The following NTM variants were observed in gnomAD, a reference collection of about 807,000 sequenced individuals.
NTM encodes the protein IgLON family member 2.
Under a neutral mutation model 42.1 loss-of-function variants are expected in NTM, and 13 were observed. The ratio of observed to expected loss-of-function variants is 0.31; its 90% CI spans 0.20 to 0.49. The LOEUF is 0.49. NTM is among the 20% of genes least tolerant of loss of function. The probability of loss-of-function intolerance (pLI) is 0.99; values close to 1 mark genes in which losing one functional copy is unlikely to be tolerated. For synonymous variants in NTM, 187 were observed against 179.2 expected (o/e 1.04, Z -0.35); for missense variants, 373 against 452.8 (o/e 0.82, Z 1.60).
chr11:132,135,137 A>C (rs2067647876), intron 2 of NTM, among the ~76,000 whole-genome samples: 1 of 152,122 alleles, frequency 6.6e-6, no homozygotes. Flanking sequence ...CCCAGGAGAC[A>C]GAAATGTTCT....
chr11:131,681,367 G>A (rs1332096604), intron 1 of NTM, among the ~76,000 whole-genome samples: 1 of 53,126 alleles, frequency 1.9e-5, no homozygotes, highest in Non-Finnish European at 4.9e-5. Context: ...CTCCCTGTGT[G>A]TGTGAGCATG....
chr11:131,518,081 G>A (rs1321685478), intron 1 of NTM, among the ~76,000 whole-genome samples: 2 of 152,170 alleles, frequency 1.3e-5, no homozygotes, highest in Non-Finnish European at 2.9e-5. Context: ...AGAGTGTTGA[G>A]AGGTGGGCAA....
At chr11:132,326,340 G>A (rs990895954) in intron 7 of NTM, among the ~76,000 whole-genome samples, 2 of 151,958 alleles carry the variant, frequency 1.3e-5, no homozygotes, top group Admixed American at 6.6e-5. Flanking sequence ...CTCAGGTAGG[G>A]GTTTTTAACA....
At chr11:132,215,864 C>A (rs756551406) in intron 4 of NTM, among the ~76,000 whole-genome samples, 2 of 152,196 alleles carry the variant, frequency 1.3e-5, no homozygotes. Flanking sequence ...GCCCCCATCT[C>A]ACTCCTCTCA....
intron 2 of NTM, among the ~76,000 whole-genome samples, chr11:131,916,799 C>T (rs1421448895): frequency 2.0e-5 from 3 of 152,200 alleles, no homozygotes; most frequent in African/African-American, 7.2e-5. Flanking sequence ...GAAGGACTCT[C>T]ATCCTGCCTT....
chr11:131,632,769 G>A (rs1313028895), intron 1 of NTM, among the ~76,000 whole-genome samples: 1 of 134,372 alleles, frequency 7.4e-6, no homozygotes, highest in African/African-American at 3.0e-5. Flanking sequence ...CCGCCTCCCG[G>A]GTTCACGCCA....
chr11:131,759,197 C>T (rs183900074), intron 1 of NTM, among the ~76,000 whole-genome samples: 26 of 152,332 alleles, frequency 1.7e-4, no homozygotes, highest in Admixed American at 1.4e-3. Flanking sequence ...TGGAGTCACA[C>T]ATCTTACTGT....
At chr11:132,063,531 C>G (rs1248693476) in intron 2 of NTM, among the ~76,000 whole-genome samples, 3 of 152,150 alleles carry the variant, frequency 2.0e-5, no homozygotes, top group Non-Finnish European at 2.9e-5. Flanking sequence ...TTTTACAGTA[C>G]CCTGTTCAGA....
rs536188103 is a variant in NTM, at chr11:132,099,643, C to G, written c.168-46639C>G. ...TCCCAGTGGTTCTGTTCCCTGAAAT[C>G]TACTAAATTCTGCCACTGCAGGACA... is the stretch of plus-strand genomic sequence containing the variant. On this transcript the variant is annotated intron_variant, in intron 2 of 8. Transcript: ENST00000683400. Among the ~76,000 whole-genome samples, 9 of 152,300 alleles carry G rather than the reference C, an allele frequency of 5.9e-5. No homozygotes were observed. The South Asian group carries it at 1.7e-3, about 28-fold the overall frequency.
At chr11:131,955,580 G>T (rs1476521342) in intron 2 of NTM, among the ~76,000 whole-genome samples, 1 of 152,134 alleles carries the variant, frequency 6.6e-6, no homozygotes, top group African/African-American at 2.4e-5. Flanking sequence ...AACATCAAAA[G>T]ATACATAAAT....
At chr11:132,063,698 A>G (rs2081024234) in intron 2 of NTM, among the ~76,000 whole-genome samples, 1 of 152,216 alleles carries the variant, frequency 6.6e-6, no homozygotes, top group Admixed American at 6.5e-5. Flanking sequence ...CTCTTTGTCC[A>G]GATTCTCTTT....
intron 1 of NTM, among the ~76,000 whole-genome samples, chr11:131,829,226 C>G (rs1443469470): frequency 6.6e-6 from 1 of 152,004 alleles, no homozygotes; most frequent in Non-Finnish European, 1.5e-5. Flanking sequence ...GGATACATGT[C>G]CAGGTTTGTT....
intron 1 of NTM, among the ~76,000 whole-genome samples, chr11:131,387,599 T>C (rs531782984): frequency 1.3e-5 from 2 of 152,204 alleles, no homozygotes; most frequent in African/African-American, 4.8e-5. Context: ...CAAAGTATTA[T>C]ATATTTCAAA....
intron 3 of NTM, among the ~76,000 whole-genome samples, chr11:132,178,817 A>G (rs954130793): frequency 6.6e-5 from 10 of 151,286 alleles, no homozygotes; most frequent in African/African-American, 2.2e-4. Flanking sequence ...TAAGAGAGGA[A>G]GTATTTTTAT....
intron 1 of NTM, among the ~76,000 whole-genome samples, chr11:131,705,089 A>C (rs2076461217): frequency 6.6e-6 from 1 of 152,200 alleles, no homozygotes; most frequent in Non-Finnish European, 1.5e-5. Context: ...AACTTCCAAC[A>C]TCTGGAGAGG....
intron 1 of NTM, among the ~76,000 whole-genome samples, chr11:131,710,206 A>G (rs1203807361): frequency 1.3e-5 from 2 of 152,186 alleles, no homozygotes; most frequent in Non-Finnish European, 2.9e-5. Context: ...AACTCTTTCT[A>G]TGGCCTCTAT....
intron 2 of NTM, among the ~76,000 whole-genome samples, chr11:132,139,033 C>T (rs890377865): frequency 2.6e-5 from 4 of 152,160 alleles, no homozygotes; most frequent in African/African-American, 9.7e-5. Flanking sequence ...TGGAGTCCAG[C>T]GTGAATTCCC....
At chr11:131,831,401 A>C (rs893592191) in intron 1 of NTM, among the ~76,000 whole-genome samples, 1 of 152,190 alleles carries the variant, frequency 6.6e-6, no homozygotes, top group Non-Finnish European at 1.5e-5. Context: ...AAGCAAACCC[A>C]GCCATGAAAT....
chr11:131,755,561 A>G (rs1054120419), intron 1 of NTM, among the ~76,000 whole-genome samples: 1 of 152,218 alleles, frequency 6.6e-6, no homozygotes, highest in African/African-American at 2.4e-5. Flanking sequence ...TATTTTTATT[A>G]AAATATTTAG....
Sources: gnomAD v4.1 joint callset for allele counts (sites outside exome capture counted in the v4.1 genomes callset) on GRCh38, gnomAD v4.1.1 for gene constraint, MANE v1.5 for transcripts, NCBI Gene and HGNC (gene_info 2026-07-23, HGNC 2026-07-21) for gene names.